PPFIBP2: variants seen among roughly 807,000 people sequenced by gnomAD.
The protein encoded by PPFIBP2 is liprin-beta-2.
In PPFIBP2, 118 loss-of-function variants were observed where a neutral mutation model predicts 118.3. That is an observed-to-expected ratio of 1.00 (90% CI 0.86 to 1.16). The LOEUF (loss-of-function observed/expected upper bound fraction) is 1.16. Ranked by LOEUF, PPFIBP2 falls within the 50% of genes most tolerant of loss-of-function variation. The pLI, the probability that PPFIBP2 is intolerant of heterozygous loss-of-function variation, is 0.00. For synonymous variants in PPFIBP2, 414 were observed against 397.4 expected (o/e 1.04, Z -0.50); for missense variants, 1,195 against 1,073.1 (o/e 1.11, Z -1.59).
intron 6 of PPFIBP2, among the ~76,000 whole-genome samples, chr11:7,614,599 G>A (rs986786004): frequency 3.3e-5 from 5 of 152,150 alleles, no homozygotes. Context: ...TATATGTAAA[G>A]ATATTGATGT....
At chr11:7,599,153 C>G (rs1860943346) in intron 5 of PPFIBP2, among the ~76,000 whole-genome samples, 1 of 150,946 alleles carries the variant, frequency 6.6e-6, no homozygotes, top group South Asian at 2.1e-4. Flanking sequence ...AGAAAATAGC[C>G]TGATGGAAAA....
At chr11:7,614,843 GA>G (rs1285841341) in intron 6 of PPFIBP2, among the ~76,000 whole-genome samples, 3 of 152,210 alleles carry the variant, frequency 2.0e-5, no homozygotes, top group Non-Finnish European at 2.9e-5. Context: ...GAACCATAAA[GA>G]AGAACTTTAA....
intron 19 of PPFIBP2, 88 bp downstream of exon 19, chr11:7,648,999 C>A: frequency 7.4e-7 from 1 of 1,356,530 alleles, no homozygotes; most frequent in Non-Finnish European, 1.0e-6. Flanking sequence ...ACCTCAAGGA[C>A]AGCTGTCTCC....
At chr11:7,591,324 C>T (rs1250962027) in intron 3 of PPFIBP2, among the ~76,000 whole-genome samples, 1 of 151,844 alleles carries the variant, frequency 6.6e-6, no homozygotes, top group Non-Finnish European at 1.5e-5. Context: ...GCTCCGTGTC[C>T]ATGTGGACTT....
At chr11:7,598,337 A>G (rs1860782638) in intron 5 of PPFIBP2, 1 of 230,104 alleles carries the variant, frequency 4.3e-6, no homozygotes, top group South Asian at 4.8e-5. Flanking sequence ...ACTATCACCT[A>G]TAATAGATTT....
At chr11:7,516,178 A>G (rs1488566121) in intron 1 of PPFIBP2, among the ~76,000 whole-genome samples, 1 of 152,316 alleles carries the variant, frequency 6.6e-6, no homozygotes, top group Admixed American at 6.5e-5. Context: ...CTGCAATGGC[A>G]AAGTTCTGGG....
At chr11:7,556,342 C>G (rs1198275543) in intron 2 of PPFIBP2, among the ~76,000 whole-genome samples, 6 of 152,122 alleles carry the variant, frequency 3.9e-5, no homozygotes, top group Non-Finnish European at 5.9e-5. Flanking sequence ...GTAGTCCCAG[C>G]TACTCGGGAG....
intron 12 of PPFIBP2, 37 bp downstream of exon 12, chr11:7,632,971 T>G (rs1425759913): frequency 1.3e-6 from 2 of 1,589,198 alleles, no homozygotes; most frequent in Non-Finnish European, 1.7e-6. Flanking sequence ...GCCACTGTGC[T>G]CTCAGGCTTG....
chr11:7,557,312 TCTTC>T (rs1186657166), intron 2 of PPFIBP2, among the ~76,000 whole-genome samples: 1 of 152,156 alleles, frequency 6.6e-6, no homozygotes, highest in African/African-American at 2.4e-5. Flanking sequence ...GGTTTTTATT[TCTTC>T]CTTTTCTCCT....
intron 2 of PPFIBP2, among the ~76,000 whole-genome samples, chr11:7,551,389 G>A (rs540144031): frequency 6.6e-6 from 1 of 152,278 alleles, no homozygotes; most frequent in East Asian, 1.9e-4. Flanking sequence ...TATCTCTGCT[G>A]CTTTGTCAAA....
the PPFIBP2 span, among the ~76,000 whole-genome samples, chr11:7,663,827 C>T: frequency 5.9e-5 from 9 of 152,364 alleles, no homozygotes; most frequent in Non-Finnish European, 1.0e-4. Context: ...CCCTCCCAGC[C>T]AGGTGCGGGA....
At chr11:7,649,013 TA>T in intron 19 of PPFIBP2, 102 bp downstream of exon 19, 1 of 1,363,260 alleles carries the variant, frequency 7.3e-7, no homozygotes, top group Non-Finnish European at 1.0e-6. Context: ...TGTCTCCTTG[TA>T]AAAAGCAGAG....
At chr11:7,618,225 T>C (rs1033436444) in intron 6 of PPFIBP2, among the ~76,000 whole-genome samples, 17 of 152,190 alleles carry the variant, frequency 1.1e-4, no homozygotes, top group Admixed American at 1.1e-3. Flanking sequence ...AAGATGTAAA[T>C]GTAGACTTGG....
intron 1 of PPFIBP2, among the ~76,000 whole-genome samples, chr11:7,525,078 C>G (rs1036762783): frequency 1.3e-5 from 2 of 152,140 alleles, no homozygotes; most frequent in Non-Finnish European, 2.9e-5. Flanking sequence ...AATGAGGAAG[C>G]TGACTCCTCT....
At chr11:7,562,940 TA>T (rs1854482462) in intron 2 of PPFIBP2, among the ~76,000 whole-genome samples, 2 of 74,178 alleles carry the variant, frequency 2.7e-5, no homozygotes, top group African/African-American at 1.3e-4. Context: ...TATATATATA[TA>T]TATATATATA....
Position 7,639,780 on chromosome 11 carries a change from C to T in PPFIBP2, c.1285C>T (p.Leu429Phe), listed in dbSNP as rs1173836857. ...CAAATATCCCACTTTACCTGGGAAG[C>T]TTTCAGGAGCCACGCCCAATGGAGA... The part of the protein sequence containing the change: ...EHKYPTLPGK[L>F]SGATPNGEAA... The change falls in exon 15 of 24, where the codon CTT (leucine) becomes TTT (phenylalanine). Residue 429 changes from leucine (L) to phenylalanine (F), a missense_variant. By Grantham distance (22) the Leu-to-Phe change is conservative. Transcript: ENST00000299492. 4 of 1,614,064 alleles carry T rather than the reference C, an allele frequency of 2.5e-6. No homozygotes were observed. The highest frequency in any genetic ancestry group is 1.1e-5 in the South Asian group (1 of 91,080).
At chr11:7,538,168 TCA>T (rs1851402037) in intron 1 of PPFIBP2, 1 of 152,276 alleles carries the variant, frequency 6.6e-6, no homozygotes, top group Non-Finnish European at 1.5e-5. Context: ...AACCTCAGAC[TCA>T]CACCCGTTTC....
At chr11:7,608,589 G>A (rs1010396857) in intron 5 of PPFIBP2, among the ~76,000 whole-genome samples, 4 of 152,298 alleles carry the variant, frequency 2.6e-5, no homozygotes, top group Non-Finnish European at 5.9e-5. Context: ...GTGGTGAGCC[G>A]AGATCGTGCC....
chr11:7,656,440 T>C (rs1216432180), downstream of PPFIBP2, among the ~76,000 whole-genome samples: 7 of 152,216 alleles, frequency 4.6e-5, no homozygotes, highest in Non-Finnish European at 1.0e-4. Context: ...ACGTTTTTAT[T>C]TATTGGCCCA....
Sources: allele counts gnomAD v4.1 joint callset (sites outside exome capture counted in the v4.1 genomes callset), GRCh38; gene constraint gnomAD v4.1.1; transcripts MANE v1.5; gene names NCBI Gene and HGNC (gene_info 2026-07-23, HGNC 2026-07-21).